PPP1CC: variants seen among roughly 807,000 people sequenced by gnomAD.
The protein encoded by PPP1CC is protein phosphatase 1 catalytic subunit gamma, also known as serine/threonine-protein phosphatase PP1-gamma catalytic subunit.
Under a neutral mutation model 38.4 loss-of-function variants are expected in PPP1CC, and 16 were observed. The ratio of observed to expected loss-of-function variants is 0.42; its 90% CI spans 0.28 to 0.63. The LOEUF (loss-of-function observed/expected upper bound fraction) is 0.63, where lower values mean the gene tolerates loss of function less well. PPP1CC is among the 30% of genes least tolerant of loss of function. The probability of loss-of-function intolerance (pLI) is 0.25; values close to 1 mark genes in which losing one functional copy is unlikely to be tolerated. For missense variants in PPP1CC, 170 were observed against 391.3 expected (o/e 0.43, Z 4.77); for synonymous variants, 158 against 136.0 (o/e 1.16, Z -1.13).
intron 1 of PPP1CC, chr12:110,732,247 CAA>C (rs2069881126): frequency 2.7e-6 from 1 of 374,802 alleles, no homozygotes; most frequent in Non-Finnish European, 4.8e-6. Flanking sequence ...ATGATGAGGT[CAA>C]GAGATCCAGA....
Position 110,722,414 on chromosome 12 carries a change from G to A in PPP1CC, c.747+58C>T. On this transcript the variant is annotated intron_variant, in intron 5 of 6. Coordinates refer to ENST00000335007, the MANE Select transcript of PPP1CC (RefSeq NM_002710.4). The surrounding 1 kb of genome is among the most constrained non-coding windows in gnomAD (Gnocchi z 5.4). The stretch of plus-strand genomic sequence containing the variant: ...ATACCTACCCACCAAAATCAACAAG[G>A]AGAATCTGTGCTCACACACATGCTC... 1.3e-6 allele frequency: 2 copies of A among 1,585,870 alleles called. No individual in the cohort carries two copies. The highest frequency in any genetic ancestry group is 1.3e-5 in the African/African-American group (1 of 74,390).
Position 110,719,761 on chromosome 12 carries a change from T to A in PPP1CC, c.*1315A>T, listed in dbSNP as rs776919755. 3 of 210,464 alleles carry A rather than the reference T, an allele frequency of 1.4e-5. No homozygotes were observed. The highest frequency in any genetic ancestry group is 2.9e-5 in the Non-Finnish European group (3 of 104,298). 13.0% of individuals were successfully genotyped at this position (210,464 alleles called of 1,614,324 possible). The stretch of plus-strand genomic sequence containing the variant: ...GTATTAGTATCTGTATTATAATCCA[T>A]CTTTGGAAAACAGACTATTTGAAAG... On this transcript the variant is annotated 3_prime_UTR_variant, in exon 7 of 7. Coordinates refer to ENST00000335007, the MANE Select transcript of PPP1CC (RefSeq NM_002710.4).
At chr12:110,712,135 C>A in the PPP1CC span, among the ~76,000 whole-genome samples, 1 of 152,032 alleles carries the variant, frequency 6.6e-6, no homozygotes, top group East Asian at 1.9e-4. Context: ...GTCCAGTGCA[C>A]GTTTGTAGCC....
chr12:110,739,739 A>C (rs1179902827), intron 1 of PPP1CC, among the ~76,000 whole-genome samples: 1 of 152,214 alleles, frequency 6.6e-6, no homozygotes, highest in East Asian at 1.9e-4. Flanking sequence ...GAAGTAAGTT[A>C]CAACCACCTG....
intron 3 of PPP1CC, chr12:110,725,312 T>G (rs1324767907): frequency 6.6e-6 from 1 of 152,360 alleles, no homozygotes; most frequent in African/African-American, 2.4e-5. Context: ...AATTACGAAC[T>G]TACACATGTG....
rs755170596 is a variant in PPP1CC, at chr12:110,730,578, C to A, written c.369G>T (p.Gly123=). Residue 123 remains glycine, a synonymous_variant, in exon 3 of 7, where the codon GGG becomes GGT. Coordinates refer to ENST00000335007, the MANE Select transcript of PPP1CC (RefSeq NM_002710.4). ...KYPENFFLLR[G]NHECASINRI... is the part of the protein sequence containing the mutation. Reference sequence around the variant, plus strand: ...TGTTGATGCTGGCACATTCATGGTTCCCTCTGAGAAGAAAAAAATTCTCAG... The same window carrying A: ...TGTTGATGCTGGCACATTCATGGTTACCTCTGAGAAGAAAAAAATTCTCAG... 3.1e-6 allele frequency: 5 copies of A among 1,613,764 alleles called. No individual in the cohort carries two copies. Among genetic ancestry groups the A allele is most frequent in the South Asian group, 2.2e-5 (2 of 90,938 alleles).
At chr12:110,709,286 GTA>G in the PPP1CC span, among the ~76,000 whole-genome samples, 1 of 151,856 alleles carries the variant, frequency 6.6e-6, no homozygotes, top group Non-Finnish European at 1.5e-5. Context: ...CTGGAGTGCA[GTA>G]TCGCGATCCC....
rs138006122 is a variant in PPP1CC, at chr12:110,735,941, T to C, written c.56-4040A>G. Among the ~76,000 whole-genome samples, 790 of 152,234 alleles carry C rather than the reference T, an allele frequency of 5.2e-3. 8 individuals carry two copies. The highest frequency in any genetic ancestry group is 0.018 in the African/African-American group (750 of 41,530). ...TTAGCCAGGCGTGGTGGCAGGCACCTGTAATCCCAGCTACTCGGGAGGCTG... is the reference window on the plus strand; with the variant it reads ...TTAGCCAGGCGTGGTGGCAGGCACCCGTAATCCCAGCTACTCGGGAGGCTG... On this transcript the variant is annotated intron_variant, in intron 1 of 6. Transcript: ENST00000335007.
At chr12:110,730,337 C>A (rs1036110479) in intron 3 of PPP1CC, among the ~76,000 whole-genome samples, 192 bp downstream of exon 3, 1 of 152,132 alleles carries the variant, frequency 6.6e-6, no homozygotes, top group Admixed American at 6.5e-5. Context: ...CCAGCCTGGG[C>A]AACAGAGTGA....
intron 1 of PPP1CC, among the ~76,000 whole-genome samples, chr12:110,742,136 GCCC>G (rs1024653170): frequency 6.6e-6 from 1 of 152,012 alleles, no homozygotes; most frequent in Non-Finnish European, 1.5e-5. Context: ...CAAGAAATGG[GCCC>G]CCCAAGACCC....
At chr12:110,733,770 C>T (rs1325981844) in intron 1 of PPP1CC, among the ~76,000 whole-genome samples, 1 of 152,136 alleles carries the variant, frequency 6.6e-6, no homozygotes, top group African/African-American at 2.4e-5. Flanking sequence ...TGAGCCACTG[C>T]ACCTGGCCTT....
intron 3 of PPP1CC, among the ~76,000 whole-genome samples, chr12:110,728,014 C>A (rs73419347): frequency 5.9e-5 from 9 of 152,230 alleles, no homozygotes; most frequent in African/African-American, 1.9e-4. Flanking sequence ...TTAGGATACA[C>A]GTCACAAAAA....
chr12:110,734,346 A>G (rs2069916628), intron 1 of PPP1CC, among the ~76,000 whole-genome samples: 1 of 152,076 alleles, frequency 6.6e-6, no homozygotes. Flanking sequence ...TCCAGACTAT[A>G]TATTTATTTA....
In PPP1CC at chr12:110,722,429, C is replaced by T. The variant is rs2069750067; in HGVS notation, c.747+43G>A. The T allele has an allele frequency of 6.3e-7, 1 of 1,590,854 alleles. No homozygotes were observed. Among genetic ancestry groups the T allele is most frequent in the Non-Finnish European group, 8.6e-7 (1 of 1,159,066 alleles). ...AATCAACAAGGAGAATCTGTGCTCA[C>T]ACACATGCTCTTAAGTGTACATGTA... On this transcript the variant is annotated intron_variant, in intron 5 of 6. Coordinates refer to ENST00000335007, the MANE Select transcript of PPP1CC (RefSeq NM_002710.4). The surrounding 1 kb of genome is among the most constrained non-coding windows in gnomAD (Gnocchi z 5.4).
At position 110,740,281 on chromosome 12, in the gene PPP1CC, C is replaced by A. The variant is rs527565724; in HGVS notation, c.55+2372G>T. On this transcript the variant is annotated intron_variant, in intron 1 of 6. Coordinates refer to ENST00000335007, the MANE Select transcript of PPP1CC (RefSeq NM_002710.4). ...TTAGGGAAAAAAAAGGTTTTGGGGGCATTATGAAAAGAATAAAATTTAGGC... is the reference window on the plus strand; with the variant it reads ...TTAGGGAAAAAAAAGGTTTTGGGGGAATTATGAAAAGAATAAAATTTAGGC... Among the ~76,000 whole-genome samples, 145 of 152,028 alleles carry A rather than the reference C, an allele frequency of 9.5e-4. 1 individual carries two copies. The highest frequency in any genetic ancestry group is 3.4e-3 in the Middle Eastern group (1 of 294).
intron 1 of PPP1CC, chr12:110,735,134 A>G (rs1228477063): frequency 6.9e-6 from 1 of 145,478 alleles, no homozygotes; most frequent in African/African-American, 2.5e-5. Context: ...GCTCACTGCA[A>G]CCTCCACCTC....
rs2069723952 is a variant in PPP1CC at position 110,720,334 on chromosome 12, C to A, written c.*742G>T. 8.0e-6 allele frequency: 6 copies of A among 746,324 alleles called. No homozygotes were observed. Among genetic ancestry groups the A allele is most frequent in the Admixed American group, 2.5e-5 (1 of 40,752 alleles). 46.2% of individuals were successfully genotyped at this position (746,324 alleles called of 1,614,324 possible). A position where few individuals can be genotyped will look rare whatever the true frequency, so the allele number is the denominator to read the frequency against. ...CAAAATCAAAAACCTGTTTTTGAAT[C>A]CCCAAGAAGGCAGCATGTGTATACA... On this transcript the variant is annotated 3_prime_UTR_variant, in exon 7 of 7. Coordinates refer to ENST00000335007, the MANE Select transcript of PPP1CC (RefSeq NM_002710.4).
At chr12:110,740,854 A>G (rs2070009617) in intron 1 of PPP1CC, among the ~76,000 whole-genome samples, 1 of 152,218 alleles carries the variant, frequency 6.6e-6, no homozygotes, top group East Asian at 1.9e-4. Flanking sequence ...TTAAAATTCT[A>G]ATGTTTCTAA....
At chr12:110,721,429 G>A in intron 6 of PPP1CC, 1 of 287,656 alleles carries the variant, frequency 3.5e-6, no homozygotes, top group East Asian at 7.2e-5. Flanking sequence ...ACACCTGGTA[G>A]TATCTTTAGC....
Sources: gnomAD v4.1 joint callset for allele counts (sites outside exome capture counted in the v4.1 genomes callset) on GRCh38, gnomAD v4.1.1 for gene constraint, Gnocchi (gnomAD v3.1) non-coding constraint, MANE v1.5 for transcripts, NCBI Gene and HGNC (gene_info 2026-07-23, HGNC 2026-07-21) for gene names.